Variants in MADD observed in about 807,000 individuals in gnomAD.
MADD encodes the protein MAP kinase activating death domain, also known as MAP kinase-activating death domain protein.
MADD carries 109 observed loss-of-function variants against 176.7 expected under a neutral mutation model. The observed-to-expected ratio is 0.62, with a 90% CI of 0.53 to 0.72. MADD has a LOEUF of 0.72. Among genes scored for constraint, MADD ranks in the 30% least tolerant of loss-of-function variants. MADD has a pLI of 0.00. For missense variants in MADD, 1,914 were observed against 2,045.5 expected (o/e 0.94, Z 1.24); for synonymous variants, 771 against 771.3 (o/e 1.00, Z 0.01).
chr11:47,286,689 G>C (rs918017984), intron 15 of MADD, among the ~76,000 whole-genome samples, 155 bp downstream of exon 15: 8 of 152,334 alleles, frequency 5.3e-5, no homozygotes, highest in South Asian at 2.1e-4. Flanking sequence ...CCTGGGCTCT[G>C]ATGGTTGTCA....
rs74940231 is a variant in MADD at position 47,297,246 on chromosome 11, T to C, written c.3642+1191T>C. ...AATGAAACCAACTATTTAAAACTGG[T>C]TATCATTCCCACCCCCAGAGCCTTC... On this transcript the variant is annotated intron_variant, in intron 22 of 32. Transcript: ENST00000402192. Among the ~76,000 whole-genome samples the C allele has an allele frequency of 4.8e-3, 727 of 152,222 alleles. 49 individuals carry two copies. The East Asian group carries it at 0.11, about 23-fold the overall frequency.
At chr11:47,281,515 A>G (rs1592120148) in intron 7 of MADD, 60 bp from the exon 8 acceptor site, 1 of 1,395,360 alleles carries the variant, frequency 7.2e-7, no homozygotes, top group Non-Finnish European at 9.7e-7. Flanking sequence ...CCTTGGAGTT[A>G]AGATTGGCTA....
intron 14 of MADD, among the ~76,000 whole-genome samples, chr11:47,286,198 A>G (rs77315102): frequency 2.2e-4 from 33 of 152,318 alleles, no homozygotes; most frequent in Non-Finnish European, 3.7e-4. Context: ...CTTGGATATT[A>G]TCATGTGAGG....
In MADD at chr11:47,278,990, C is replaced by A; in HGVS notation, c.1210-9C>A. 6.2e-7 allele frequency: 1 copy of A among 1,613,052 alleles called. No individual in the cohort carries two copies. Among genetic ancestry groups the A allele is most frequent in the Non-Finnish European group, 8.5e-7 (1 of 1,179,088 alleles). On this transcript the variant is annotated splice_polypyrimidine_tract_variant and intron_variant, in intron 6 of 32. Transcript: ENST00000402192. ...TAAGGTCACGTCTTTTATCATTTCT[C>A]TGGTGCAGGTGATTGCCCCCACCAA...
chr11:47,328,741 G>T lies in MADD; in HGVS notation c.4659+37G>T, dbSNP rs766096462. ...GCTCAACCCTGATGGGCCACGGTGC[G>T]CAGGGCTCCCTGGGGGACCTTCGGA... On this transcript the variant is annotated intron_variant, in intron 32 of 32. Coordinates refer to ENST00000402192, the Ensembl canonical transcript of MADD. The T allele has an allele frequency of 2.5e-6, 4 of 1,613,220 alleles. No homozygotes were observed. The South Asian group carries it at 4.4e-5, about 18-fold the overall frequency.
At chr11:47,299,183 T>A (rs2075570812) in intron 22 of MADD, among the ~76,000 whole-genome samples, 1 of 152,040 alleles carries the variant, frequency 6.6e-6, no homozygotes, top group African/African-American at 2.4e-5. Context: ...AATTTTAGGA[T>A]TTTTTTTCTA....
At chr11:47,299,999 T>TA (rs1379456186) in intron 22 of MADD, among the ~76,000 whole-genome samples, 2 of 152,172 alleles carry the variant, frequency 1.3e-5, no homozygotes, top group African/African-American at 2.4e-5. Flanking sequence ...CCCCATTCAG[T>TA]ATGATGTTGG....
intron 25 of MADD, 78 bp from the exon 29 acceptor site, chr11:47,311,654 A>G: frequency 1.2e-5 from 11 of 890,294 alleles, no homozygotes; most frequent in Non-Finnish European, 2.1e-5. Context: ...TGGGAAGCCC[A>G]CTTGTACATT....
chr11:47,312,378 A>G (rs2090131435), intron 26 of MADD, among the ~76,000 whole-genome samples: 1 of 152,158 alleles, frequency 6.6e-6, no homozygotes, highest in Admixed American at 6.6e-5. Flanking sequence ...CCTCCCAAGT[A>G]GCTGGGATTA....
rs145307104 is a variant in MADD, at chr11:47,319,859, G to A, written c.4198-3812G>A. 6.1e-3 allele frequency among the ~76,000 whole-genome samples: 921 copies of A among 151,944 alleles called. 14 individuals are homozygous for A. The highest frequency in any genetic ancestry group is 0.021 in the African/African-American group (869 of 41,456). On this transcript the variant is annotated intron_variant, in intron 27 of 32. Transcript: ENST00000402192. ...TACAAAAATTAGCCGGGCGTGTTGG[G>A]CAGGCGCCTGCAATCCCAGCTACAT...
intron 22 of MADD, among the ~76,000 whole-genome samples, chr11:47,296,761 GT>G (rs1386329077): frequency 1.7e-5 from 2 of 116,106 alleles, no homozygotes; most frequent in East Asian, 3.0e-4. Flanking sequence ...TCTGTTTTTT[GT>G]TGTTTTTTTT....
At chr11:47,287,140 A>G (rs961436365) in intron 15 of MADD, among the ~76,000 whole-genome samples, 4 of 152,192 alleles carry the variant, frequency 2.6e-5, no homozygotes, top group African/African-American at 7.2e-5. Flanking sequence ...ACTGACCAAC[A>G]TGGCGAAACG....
chr11:47,298,252 T>TA (rs2074725573), intron 22 of MADD, among the ~76,000 whole-genome samples: 1 of 152,232 alleles, frequency 6.6e-6, no homozygotes, highest in African/African-American at 2.4e-5. Flanking sequence ...ATAGGAAAAT[T>TA]ACTTCTCTTC....
intron 14 of MADD, 149 bp downstream of exon 14, chr11:47,285,739 A>T: frequency 9.1e-7 from 1 of 1,094,214 alleles, no homozygotes; most frequent in East Asian, 2.4e-5. Flanking sequence ...ATACTGAATA[A>T]GGCGTTTTCA....
exon 16 of MADD, chr11:47,289,470 C>T (rs763623027): frequency 1.2e-6 from 2 of 1,613,998 alleles, no homozygotes; most frequent in Non-Finnish European, 8.5e-7. Context: ...CTCCATCACC[C>T]CAGGGTCGAT....
intron 15 of MADD, 127 bp downstream of exon 16, chr11:47,289,154 G>A (rs1178585864): frequency 1.8e-5 from 18 of 1,011,770 alleles, no homozygotes; most frequent in Non-Finnish European, 2.5e-5. Flanking sequence ...CCCGTCCCCC[G>A]TGACGCCCAT....
chr11:47,295,738 A>G (rs1431066478), intron 21 of MADD, 159 bp downstream of exon 23: 2 of 985,198 alleles, frequency 2.0e-6, no homozygotes, highest in African/African-American at 3.5e-5. Context: ...ACGAGATTTC[A>G]CCCAGAGCTT....
exon 15 of MADD, chr11:47,286,509 G>A: frequency 6.2e-7 from 1 of 1,613,972 alleles, no homozygotes; most frequent in Non-Finnish European, 8.5e-7. Flanking sequence ...CCCGAGAGAA[G>A]GCCACGCCCT....
At chr11:47,312,996 G>A (rs915580441) in intron 26 of MADD, among the ~76,000 whole-genome samples, 1 of 152,236 alleles carries the variant, frequency 6.6e-6, no homozygotes, top group African/African-American at 2.4e-5. Flanking sequence ...CATTTTTACT[G>A]GAAAGGACAA....
Sources: gnomAD v4.1 joint callset for allele counts (sites outside exome capture counted in the v4.1 genomes callset) on GRCh38, gnomAD v4.1.1 for gene constraint, MANE v1.5 for transcripts, NCBI Gene and HGNC (gene_info 2026-07-23, HGNC 2026-07-21) for gene names.